Variants in COL14A1 observed in about 807,000 individuals in gnomAD.
The protein encoded by COL14A1 is collagen alpha-1(XIV) chain.
A neutral mutation model predicts 230.3 loss-of-function variants in COL14A1; 136 were observed. That is an observed-to-expected ratio of 0.59 (90% CI 0.51 to 0.68). The LOEUF is 0.68. COL14A1 is among the 30% of genes least tolerant of loss of function. The probability of loss-of-function intolerance (pLI) is 0.00; values close to 1 mark genes in which losing one functional copy is unlikely to be tolerated. For synonymous variants in COL14A1, 792 were observed against 784.1 expected (o/e 1.01, Z -0.17); for missense variants, 1,976 against 2,215.8 (o/e 0.89, Z 2.17).
intron 5 of COL14A1, among the ~76,000 whole-genome samples, chr8:120,168,750 G>T (rs1388926758): frequency 6.6e-6 from 1 of 152,118 alleles, no homozygotes; most frequent in Admixed American, 6.5e-5. Flanking sequence ...TTAGAACTTT[G>T]CCTGCCATTG....
At chr8:120,314,326 A>C (rs1821140051) in intron 38 of COL14A1, among the ~76,000 whole-genome samples, 1 of 150,978 alleles carries the variant, frequency 6.6e-6, no homozygotes, top group African/African-American at 2.5e-5. Flanking sequence ...CTAAATTCTT[A>C]ATGGATGTGA....
chr8:120,303,494 A>G (rs1011872470), intron 36 of COL14A1, among the ~76,000 whole-genome samples: 1 of 152,166 alleles, frequency 6.6e-6, no homozygotes, highest in African/African-American at 2.4e-5. Flanking sequence ...TATTGAGATA[A>G]TTACGTGGTT....
rs370522036 is a variant in COL14A1 at position 120,183,022 on chromosome 8, C to T, written c.437-13769C>T. 2.8e-4 allele frequency among the ~76,000 whole-genome samples: 42 copies of T among 152,086 alleles called. 1 individual carries two copies. The highest frequency in any genetic ancestry group is 1.2e-3 in the South Asian group (6 of 4,808). ...GATTACGGGCAGAAGCCACCACGCCCGGCCTAAAGCAAACTTTATGTAAAA... is the reference window on the plus strand; with the variant it reads ...GATTACGGGCAGAAGCCACCACGCCTGGCCTAAAGCAAACTTTATGTAAAA... On this transcript the variant is annotated intron_variant, in intron 5 of 47. Coordinates refer to ENST00000297848, the MANE Select transcript of COL14A1 (RefSeq NM_021110.4).
chr8:120,336,263 C>A (rs1455188208), intron 42 of COL14A1, among the ~76,000 whole-genome samples: 1 of 152,058 alleles, frequency 6.6e-6, no homozygotes, highest in Non-Finnish European at 1.5e-5. Flanking sequence ...AGAGAGACCC[C>A]TAAGCTGAGG....
chr8:120,159,604 T>C (rs764214043), intron 3 of COL14A1, among the ~76,000 whole-genome samples: 24 of 152,168 alleles, frequency 1.6e-4, no homozygotes, highest in African/African-American at 5.5e-4. Context: ...ACTCAACAGT[T>C]GACGTAAACA....
chr8:120,257,500 C>T (rs1380010878), intron 23 of COL14A1, among the ~76,000 whole-genome samples: 3 of 152,114 alleles, frequency 2.0e-5, no homozygotes. Flanking sequence ...TTAACTCATA[C>T]AAATTAGATC....
chr8:120,124,941 A>T (rs1421292980), upstream of COL14A1, among the ~76,000 whole-genome samples: 1 of 152,158 alleles, frequency 6.6e-6, no homozygotes, highest in African/African-American at 2.4e-5. Flanking sequence ...CGTGAGCGGC[A>T]CGGGGCTGGC....
chr8:120,198,507 C>A (rs906638245), intron 7 of COL14A1, among the ~76,000 whole-genome samples: 18 of 152,106 alleles, frequency 1.2e-4, no homozygotes, highest in South Asian at 2.1e-4. Context: ...CACCTTGAGA[C>A]ATGCTGCAAG....
In COL14A1 at chr8:120,342,881, T is replaced by G. The variant is rs1822357024; in HGVS notation, c.4888+435T>G. ...TGCAAGATTTAAATGAATATTTCCT[T>G]CTTATCCATTTCACATCCATTACCT... On this transcript the variant is annotated intron_variant, in intron 44 of 47. Transcript: ENST00000297848. 2.0e-5 allele frequency among the ~76,000 whole-genome samples: 3 copies of G among 152,246 alleles called. No homozygotes were observed. In the South Asian group the frequency reaches 6.2e-4, roughly 31 times the overall value.
At chr8:120,146,077 A>G (rs899655324) in intron 1 of COL14A1, among the ~76,000 whole-genome samples, 11 of 152,156 alleles carry the variant, frequency 7.2e-5, no homozygotes, top group African/African-American at 2.4e-4. Context: ...TGAACTCACT[A>G]GCTCTGTGAC....
At chr8:120,246,624 G>A (rs886872577) in intron 20 of COL14A1, among the ~76,000 whole-genome samples, 11 of 152,010 alleles carry the variant, frequency 7.2e-5, no homozygotes, top group Non-Finnish European at 1.6e-4. Context: ...TGAAAATAGG[G>A]CTTAAATCTT....
chr8:120,365,361 GTGT>G (rs1823374407), intron 45 of COL14A1, among the ~76,000 whole-genome samples: 1 of 152,144 alleles, frequency 6.6e-6, no homozygotes, highest in Admixed American at 6.6e-5. Context: ...GAACAGCCTG[GTGT>G]TAGTCATCAG....
At chr8:120,169,281 T>C (rs1435802069) in intron 5 of COL14A1, among the ~76,000 whole-genome samples, 9 of 152,228 alleles carry the variant, frequency 5.9e-5, no homozygotes. Flanking sequence ...GATTGCCAAA[T>C]TGATAGATGG....
At chr8:120,272,513 A>C (rs930942761) in intron 26 of COL14A1, among the ~76,000 whole-genome samples, 1 of 151,740 alleles carries the variant, frequency 6.6e-6, no homozygotes, top group South Asian at 2.1e-4. Context: ...AATGGATACA[A>C]AATCACAAAC....
rs552546264 is a variant in COL14A1, at chr8:120,181,862, G to A, written c.436+13615G>A. Among the ~76,000 whole-genome samples, 27 of 152,238 alleles carry A rather than the reference G, an allele frequency of 1.8e-4. No homozygotes were observed. In the South Asian group the frequency reaches 3.5e-3, roughly 20 times the overall value. ...AGCTACGCAGGAGGCTAAGGCAGGA[G>A]AATTGCTTGAACCCGGGAGGCGGAG... On this transcript the variant is annotated intron_variant, in intron 5 of 47. Coordinates refer to ENST00000297848, the MANE Select transcript of COL14A1 (RefSeq NM_021110.4).
intron 40 of COL14A1, among the ~76,000 whole-genome samples, chr8:120,326,637 G>A (rs1009424470): frequency 8.5e-5 from 13 of 152,140 alleles, no homozygotes; most frequent in Admixed American, 3.3e-4. Flanking sequence ...TTGAAATGGT[G>A]TTAAGGCTAA....
intron 33 of COL14A1, 70 bp downstream of exon 33, chr8:120,286,040 TCCA>T (rs1422096303): frequency 7.9e-6 from 7 of 882,962 alleles, no homozygotes; most frequent in Admixed American, 4.3e-5. Context: ...TAAAAACAAT[TCCA>T]TAGGGCTTTG....
At chr8:120,166,178 A>C (rs1396481417) in intron 4 of COL14A1, among the ~76,000 whole-genome samples, 1 of 152,154 alleles carries the variant, frequency 6.6e-6, no homozygotes, top group African/African-American at 2.4e-5. Flanking sequence ...ACTCCTCTGG[A>C]AAGGTGACAT....
intron 5 of COL14A1, among the ~76,000 whole-genome samples, chr8:120,180,943 G>C (rs188573120): frequency 3.9e-4 from 60 of 152,208 alleles, no homozygotes; most frequent in African/African-American, 1.4e-3. Flanking sequence ...ATGACATGAA[G>C]TGATCCACCT....
Sources: allele counts gnomAD v4.1 joint callset (sites outside exome capture counted in the v4.1 genomes callset), GRCh38; gene constraint gnomAD v4.1.1; transcripts MANE v1.5; gene names NCBI Gene and HGNC (gene_info 2026-07-23, HGNC 2026-07-21).